The following PSMA8 variants were observed in gnomAD, a reference collection of about 807,000 sequenced individuals.
The protein encoded by PSMA8 is proteasome 20S subunit alpha 8.
A neutral mutation model predicts 32.4 loss-of-function variants in PSMA8; 18 were observed. The observed-to-expected ratio is 0.56, with a 90% CI of 0.38 to 0.82. The LOEUF (loss-of-function observed/expected upper bound fraction) is 0.82, where lower values mean the gene tolerates loss of function less well. Ranked by LOEUF, PSMA8 falls within the 40% of genes least tolerant of loss-of-function variation. PSMA8 has a pLI of 0.00. For missense variants in PSMA8, 298 were observed against 300.7 expected, an observed-to-expected ratio of 0.99 and a Z score of 0.07; for synonymous variants, 104 against 98.1, an observed-to-expected ratio of 1.06 and a Z score of -0.36.
intron 4 of PSMA8, among the ~76,000 whole-genome samples, chr18:26,166,785 C>G (rs191008601): frequency 2.0e-5 from 3 of 152,134 alleles, no homozygotes; most frequent in Non-Finnish European, 4.4e-5. Flanking sequence ...TTTAAGGAAA[C>G]AACTGACAGT....
At chr18:26,187,018 A>G (rs1212680639) in intron 6 of PSMA8, among the ~76,000 whole-genome samples, 1 of 152,156 alleles carries the variant, frequency 6.6e-6, no homozygotes, top group Non-Finnish European at 1.5e-5. Context: ...AACTTAAAAC[A>G]TTTTCTCATT....
At chr18:26,174,526 A>G (rs778601858) in intron 4 of PSMA8, among the ~76,000 whole-genome samples, 5 of 152,232 alleles carry the variant, frequency 3.3e-5, no homozygotes, top group Non-Finnish European at 7.3e-5. Flanking sequence ...ACTGGCATCT[A>G]ATATGCTGTG....
At position 26,186,068 on chromosome 18, in the gene PSMA8, G is replaced by A. The variant is rs149150399; in HGVS notation, c.661-6251G>A. On this transcript the variant is annotated intron_variant, in intron 6 of 6. Transcript: ENST00000415576. Reference sequence around the variant, plus strand: ...AGCCTGGCCAACATAGTGAAACCCCGTCTCTACTAAAAATACACACACAAA... The same window carrying A: ...AGCCTGGCCAACATAGTGAAACCCCATCTCTACTAAAAATACACACACAAA... Among the ~76,000 whole-genome samples, 71 of 148,728 alleles carry A rather than the reference G, an allele frequency of 4.8e-4. 6 individuals are homozygous for A. The East Asian group carries it at 0.013, about 27-fold the overall frequency.
chr18:26,151,397 G>C (rs1429515381), intron 2 of PSMA8, among the ~76,000 whole-genome samples: 2 of 152,318 alleles, frequency 1.3e-5, no homozygotes, highest in Non-Finnish European at 1.5e-5. Context: ...CCTTACAGAA[G>C]TGTTGAGAAT....
intron 4 of PSMA8, among the ~76,000 whole-genome samples, chr18:26,163,085 T>C (rs2055148009): frequency 6.6e-6 from 1 of 151,172 alleles, no homozygotes; most frequent in African/African-American, 2.4e-5. Context: ...TAAATACTGT[T>C]CTAGGTTATG....
chr18:26,188,774 C>CTGGA (rs1406680849), intron 6 of PSMA8, among the ~76,000 whole-genome samples: 1 of 152,116 alleles, frequency 6.6e-6, no homozygotes, highest in Non-Finnish European at 1.5e-5. Flanking sequence ...GCTGGGAAAA[C>CTGGA]TGGATATCCA....
chr18:26,188,708 TTTTCGACAGA>T (rs1440077388), intron 6 of PSMA8, among the ~76,000 whole-genome samples: 1 of 152,108 alleles, frequency 6.6e-6, no homozygotes, highest in Non-Finnish European at 1.5e-5. Flanking sequence ...AGTGAACTCA[TTTTCGACAGA>T]GGTGCTAAGA....
intron 4 of PSMA8, among the ~76,000 whole-genome samples, chr18:26,163,871 G>C (rs2055158007): frequency 6.6e-6 from 1 of 152,206 alleles, no homozygotes. Context: ...TAAGTTACAG[G>C]CTATGTTCAA....
At position 26,179,323 on chromosome 18, in the gene PSMA8, G is replaced by A. The variant is rs1257927931; in HGVS notation, c.660+193G>A. On this transcript the variant is annotated intron_variant, in intron 6 of 6. Transcript: ENST00000415576. ...TTTTTTTTTTTTTTTAAATAGAGACGGGATTTCACCACATTGCCCAGGCTG... is the reference window on the plus strand; with the variant it reads ...TTTTTTTTTTTTTTTAAATAGAGACAGGATTTCACCACATTGCCCAGGCTG... Among the ~76,000 whole-genome samples the A allele has an allele frequency of 6.0e-5, 9 of 150,030 alleles. No homozygotes were observed. In the South Asian group the frequency reaches 1.0e-3, roughly 17 times the overall value.
chr18:26,179,416 C>G (rs2055291848), intron 6 of PSMA8, among the ~76,000 whole-genome samples: 2 of 151,908 alleles, frequency 1.3e-5, no homozygotes, highest in Admixed American at 1.3e-4. Flanking sequence ...CAACTGTGAG[C>G]CACCGCAGTC....
At chr18:26,155,649 C>G (rs1369047120) in intron 3 of PSMA8, among the ~76,000 whole-genome samples, 1 of 152,134 alleles carries the variant, frequency 6.6e-6, no homozygotes, top group East Asian at 1.9e-4. Flanking sequence ...CAAAAATCTA[C>G]TTAAAATGGA....
At chr18:26,172,791 G>A (rs1465080209) in intron 4 of PSMA8, among the ~76,000 whole-genome samples, 1 of 152,166 alleles carries the variant, frequency 6.6e-6, no homozygotes, top group Non-Finnish European at 1.5e-5. Context: ...CCTTATGCCT[G>A]CCAAGTGCCA....
chr18:26,144,487 A>T, intron 1 of PSMA8, 72 bp from the exon 2 acceptor site: 1 of 1,276,400 alleles, frequency 7.8e-7, no homozygotes, highest in Non-Finnish European at 1.1e-6. Context: ...CCCCTAAGTC[A>T]TATGTTAGAA....
intron 4 of PSMA8, among the ~76,000 whole-genome samples, chr18:26,166,409 G>A (rs1012773721): frequency 1.3e-5 from 2 of 152,134 alleles, no homozygotes; most frequent in African/African-American, 2.4e-5. Context: ...GTACACAACT[G>A]TGTTAGCTCT....
chr18:26,134,847 G>A lies in PSMA8; in HGVS notation c.102+780G>A, dbSNP rs180805601. Among the ~76,000 whole-genome samples, 7 of 152,172 alleles carry A rather than the reference G, an allele frequency of 4.6e-5. No individual in the cohort carries two copies. In the East Asian group the frequency reaches 1.2e-3, roughly 25 times the overall value. On this transcript the variant is annotated intron_variant, in intron 1 of 6. Coordinates refer to ENST00000415576, the MANE Select transcript of PSMA8 (RefSeq NM_001025096.2). ...CGCATGCCTGTAATCCCAGCTACTC[G>A]GGAGGCTGAGGCGGGAGAATCGCTT...
intron 4 of PSMA8, among the ~76,000 whole-genome samples, chr18:26,164,423 G>A (rs560117655): frequency 2.0e-5 from 3 of 152,266 alleles, no homozygotes; most frequent in South Asian, 2.1e-4. Context: ...AAGTTGTGGC[G>A]GACACCACCA....
At chr18:26,145,232 C>T (rs554884505) in intron 2 of PSMA8, among the ~76,000 whole-genome samples, 1 of 152,198 alleles carries the variant, frequency 6.6e-6, no homozygotes, top group Non-Finnish European at 1.5e-5. Flanking sequence ...AATTCTCCTG[C>T]CTCAGCCTCC....
At chr18:26,139,916 G>C (rs1367199711) in intron 1 of PSMA8, 1 of 601,150 alleles carries the variant, frequency 1.7e-6, no homozygotes, top group Non-Finnish European at 3.0e-6. Flanking sequence ...TGTTCGCATA[G>C]TGTTTTCCTG....
intron 4 of PSMA8, 31 bp downstream of exon 4, chr18:26,158,275 G>T: frequency 6.5e-7 from 1 of 1,537,002 alleles, no homozygotes. Context: ...TACTTTTTTA[G>T]AAGTTTAGTA....
Sources: allele counts gnomAD v4.1 joint callset (sites outside exome capture counted in the v4.1 genomes callset), GRCh38; gene constraint gnomAD v4.1.1; transcripts MANE v1.5; gene names NCBI Gene and HGNC (gene_info 2026-07-23, HGNC 2026-07-21).